SNX18: variants seen among roughly 807,000 people sequenced by gnomAD.
SNX18 encodes the protein sorting nexin-18.
A neutral mutation model predicts 48.7 loss-of-function variants in SNX18; 35 were observed. That is an observed-to-expected ratio of 0.72 (90% CI 0.55 to 0.95). The LOEUF is 0.95. Ranked by LOEUF, SNX18 falls within the 40% of genes least tolerant of loss-of-function variation. The pLI, the probability that SNX18 is intolerant of heterozygous loss-of-function variation, is 0.00. For synonymous variants in SNX18, 492 were observed against 384.7 expected, an observed-to-expected ratio of 1.28 and a Z score of -3.26; for missense variants, 824 against 871.0, an observed-to-expected ratio of 0.95 and a Z score of 0.68.
At chr5:54,552,181 C>T in the SNX18 span, among the ~76,000 whole-genome samples, 2 of 152,226 alleles carry the variant, frequency 1.3e-5, no homozygotes, top group Admixed American at 6.5e-5. Context: ...TCACACCCTT[C>T]TGAGACATTC....
the SNX18 span, among the ~76,000 whole-genome samples, chr5:54,612,075 C>T: frequency 6.6e-6 from 1 of 151,964 alleles, no homozygotes; most frequent in African/African-American, 2.4e-5. Context: ...GAGATGATGT[C>T]TCACTATATT....
At chr5:54,593,677 T>C in the SNX18 span, among the ~76,000 whole-genome samples, 299 of 152,326 alleles carry the variant, frequency 2.0e-3, no homozygotes, top group African/African-American at 7.0e-3. Context: ...GAGTGTGGTG[T>C]TGGTGAAAGG....
chr5:54,544,635 G>GCT lies in SNX18; in HGVS notation c.*1204_*1205insTC, dbSNP rs1437550222. 1.1e-5 allele frequency: 1 copy of GCT among 87,362 alleles called. No homozygotes were observed. Among genetic ancestry groups the GCT allele is most frequent in the African/African-American group, 3.9e-5 (1 of 25,326 alleles). 5.4% of individuals were successfully genotyped at this position (87,362 alleles called of 1,614,324 possible). A position where few individuals can be genotyped will look rare whatever the true frequency, so the allele number is the denominator to read the frequency against. On this transcript the variant is annotated 3_prime_UTR_variant, in exon 2 of 2. Coordinates refer to ENST00000381410, the MANE Select transcript of SNX18 (RefSeq NM_001102575.2). ...TTAAAAAAAAAAAAGGTATTGATGAGCCCCCCCCCCCCAGGACATTTAACC... is the reference window on the plus strand; with the variant it reads ...TTAAAAAAAAAAAAGGTATTGATGAGCTCCCCCCCCCCCCAGGACATTTAACC...
chr5:54,630,497 T>C, the SNX18 span, among the ~76,000 whole-genome samples: 10,820 of 152,202 alleles, frequency 0.071, 454 homozygotes, highest in East Asian at 0.16. Flanking sequence ...TTGATTCTAC[T>C]GAGAGTGAAG....
chr5:54,534,871 A>T (rs1191451784), intron 1 of SNX18, among the ~76,000 whole-genome samples: 1 of 152,118 alleles, frequency 6.6e-6, no homozygotes, highest in African/African-American at 2.4e-5. Flanking sequence ...ATGACTCGAG[A>T]GATTCACTAC....
chr5:54,640,210 C>CTTT, the SNX18 span, among the ~76,000 whole-genome samples: 5 of 146,250 alleles, frequency 3.4e-5, no homozygotes, highest in Non-Finnish European at 3.0e-5. Context: ...GAAATAGATT[C>CTTT]TTTTTTTTTT....
the SNX18 span, among the ~76,000 whole-genome samples, chr5:54,612,543 G>A: frequency 1.3e-5 from 2 of 152,098 alleles, no homozygotes; most frequent in Non-Finnish European, 2.9e-5. Flanking sequence ...GATTACAGGC[G>A]TGAGCCACCG....
the SNX18 span, among the ~76,000 whole-genome samples, chr5:54,580,935 G>A: frequency 2.6e-5 from 1 of 38,642 alleles, no homozygotes; most frequent in African/African-American, 5.9e-5. Context: ...CAGAAGTGGC[G>A]TGAAGCTGGG....
intron 1 of SNX18, among the ~76,000 whole-genome samples, chr5:54,541,628 G>A (rs1036668974): frequency 1.3e-5 from 2 of 152,122 alleles, no homozygotes; most frequent in African/African-American, 4.8e-5. Flanking sequence ...GGGCATGTGT[G>A]CTCTGTGCAC....
At chr5:54,609,248 A>T in the SNX18 span, among the ~76,000 whole-genome samples, 6 of 152,156 alleles carry the variant, frequency 3.9e-5, no homozygotes. Context: ...ATTTAATTTT[A>T]ATTAATTTAG....
chr5:54,609,048 G>A, the SNX18 span, among the ~76,000 whole-genome samples: 2 of 152,092 alleles, frequency 1.3e-5, no homozygotes, highest in African/African-American at 2.4e-5. Flanking sequence ...ATGAGGTTGG[G>A]AGCATCTAAT....
chr5:54,603,164 A>ATAT, the SNX18 span, among the ~76,000 whole-genome samples: 27,099 of 151,150 alleles, frequency 0.18, 2,627 homozygotes, highest in East Asian at 0.32. Context: ...GGTTGTAAAT[A>ATAT]TATTATTATT....
intron 1 of SNX18, among the ~76,000 whole-genome samples, chr5:54,528,558 GA>G (rs139321650): frequency 0.012 from 1,763 of 152,232 alleles, 35 homozygotes; most frequent in African/African-American, 0.039. Flanking sequence ...TCCTGATCTT[GA>G]AATGCTTTAG....
the SNX18 span, among the ~76,000 whole-genome samples, chr5:54,588,264 T>A: frequency 4.1e-5 from 6 of 147,470 alleles, no homozygotes; most frequent in East Asian, 4.2e-4. Flanking sequence ...GAAAAAAAAA[T>A]AATTCAAATA....
the SNX18 span, among the ~76,000 whole-genome samples, chr5:54,587,932 G>T: frequency 2.6e-5 from 4 of 152,192 alleles, no homozygotes; most frequent in African/African-American, 9.7e-5. Flanking sequence ...AATGGATTGT[G>T]AACGAATGTG....
At chr5:54,592,597 G>A in the SNX18 span, among the ~76,000 whole-genome samples, 14 of 152,278 alleles carry the variant, frequency 9.2e-5, no homozygotes, top group Non-Finnish European at 1.8e-4. Flanking sequence ...AATTCAATCC[G>A]AGGACACTGA....
chr5:54,597,929 C>CA, the SNX18 span, among the ~76,000 whole-genome samples: 57,749 of 151,574 alleles, frequency 0.38, 11,162 homozygotes, highest in South Asian at 0.57. Flanking sequence ...AAAAACCCTT[C>CA]AAAAAAATCA....
Position 54,531,484 on chromosome 5 carries a change from G to A in SNX18, c.1622-11695G>A, listed in dbSNP as rs182056191. On this transcript the variant is annotated intron_variant, in intron 1 of 1. Transcript: ENST00000381410. Reference sequence around the variant, plus strand: ...CATTTGCGATTTTCACCAAAGCCACGTGTTGTCTACAGCAAGACATTTTTA... The same window carrying A: ...CATTTGCGATTTTCACCAAAGCCACATGTTGTCTACAGCAAGACATTTTTA... Among the ~76,000 whole-genome samples, 276 of 152,292 alleles carry A rather than the reference G, an allele frequency of 1.8e-3. 1 individual carries two copies. The highest frequency in any genetic ancestry group is 6.4e-3 in the African/African-American group (266 of 41,552).
At position 54,543,595 on chromosome 5, in the gene SNX18, A is replaced by C; in HGVS notation, c.*163A>C. ...ATTTATAATTATGTAGGAAATAAAC[A>C]GTTAATATGGTTATATAATAGAAAC... is the stretch of plus-strand genomic sequence containing the variant. On this transcript the variant is annotated 3_prime_UTR_variant, in exon 2 of 2. Coordinates refer to ENST00000381410, the MANE Select transcript of SNX18 (RefSeq NM_001102575.2). 1.3e-6 allele frequency: 1 copy of C among 747,784 alleles called. No homozygotes were observed. Among genetic ancestry groups the C allele is most frequent in the Non-Finnish European group, 2.2e-6 (1 of 463,646 alleles). The allele number at this position is 747,784 out of a possible 1,614,324, so 46.3% of individuals were successfully genotyped here.
Sources: allele counts gnomAD v4.1 joint callset (sites outside exome capture counted in the v4.1 genomes callset), GRCh38; gene constraint gnomAD v4.1.1; transcripts MANE v1.5; gene names NCBI Gene and HGNC (gene_info 2026-07-23, HGNC 2026-07-21).